The following RNF180 variants were observed in gnomAD, a reference collection of about 807,000 sequenced individuals.
RNF180 encodes E3 ubiquitin-protein ligase RNF180.
A neutral mutation model predicts 59.2 loss-of-function variants in RNF180; 38 were observed. The ratio of observed to expected loss-of-function variants is 0.64; its 90% CI spans 0.50 to 0.84. The LOEUF (loss-of-function observed/expected upper bound fraction) is 0.84. RNF180 is among the 40% of genes least tolerant of loss of function. The pLI is 0.00. For missense variants in RNF180, 705 were observed against 700.9 expected (o/e 1.01, Z -0.07); for synonymous variants, 262 against 240.3 (o/e 1.09, Z -0.84).
intron 5 of RNF180, among the ~76,000 whole-genome samples, chr5:64,254,516 A>C (rs139501613): frequency 1.3e-5 from 2 of 152,308 alleles, no homozygotes; most frequent in East Asian, 3.9e-4. Context: ...ATGTTTAAAA[A>C]TTTAGGAGAT....
intron 5 of RNF180, among the ~76,000 whole-genome samples, chr5:64,236,386 A>G (rs1742442100): frequency 6.6e-6 from 1 of 152,230 alleles, no homozygotes; most frequent in African/African-American, 2.4e-5. Flanking sequence ...GCAGCAAAGC[A>G]TTCAAGAGGT....
intron 5 of RNF180, among the ~76,000 whole-genome samples, chr5:64,218,954 CTAT>C (rs1561197898): frequency 6.6e-6 from 1 of 152,000 alleles, no homozygotes; most frequent in East Asian, 1.9e-4. Flanking sequence ...AGATTTATTC[CTAT>C]TATTTTTAAT....
chr5:64,340,877 T>C (rs1160200874), intron 7 of RNF180, among the ~76,000 whole-genome samples: 12 of 152,070 alleles, frequency 7.9e-5, no homozygotes, highest in Non-Finnish European at 4.4e-5. Context: ...TCATAACTTA[T>C]TTTAAAAATT....
intron 1 of RNF180, among the ~76,000 whole-genome samples, chr5:64,166,529 A>G (rs892826884): frequency 2.0e-5 from 3 of 152,146 alleles, no homozygotes; most frequent in Non-Finnish European, 4.4e-5. Flanking sequence ...TCTGAAATCC[A>G]TCGGGCGGAG....
At chr5:64,366,072 C>T (rs1166378738) in intron 7 of RNF180, among the ~76,000 whole-genome samples, 2 of 151,502 alleles carry the variant, frequency 1.3e-5, no homozygotes, top group South Asian at 2.1e-4. Flanking sequence ...TGTCACTGGT[C>T]TGTGAACTTA....
chr5:64,344,374 C>T lies in RNF180; in HGVS notation c.1579+13968C>T, dbSNP rs191591895. Among the ~76,000 whole-genome samples, 488 of 152,110 alleles carry T rather than the reference C, an allele frequency of 3.2e-3. 1 individual carries two copies. The highest frequency in any genetic ancestry group is 0.012 in the African/African-American group (479 of 41,506). ...GAACATTTCATGGCAATAAAAGAGG[C>T]AATTCCATAGGAAAACATAAAACCA... is the stretch of plus-strand genomic sequence containing the variant. On this transcript the variant is annotated intron_variant, in intron 7 of 7. Transcript: ENST00000389100.
intron 5 of RNF180, among the ~76,000 whole-genome samples, chr5:64,301,503 A>AT (rs550941264): frequency 9.9e-5 from 15 of 151,676 alleles, no homozygotes; most frequent in Non-Finnish European, 1.9e-4. Flanking sequence ...ACTGTGTTTT[A>AT]TTTTTTGTTG....
chr5:64,296,184 G>A (rs1034659809), intron 5 of RNF180, among the ~76,000 whole-genome samples: 10 of 152,090 alleles, frequency 6.6e-5, no homozygotes, highest in South Asian at 4.1e-4. Flanking sequence ...TTAGGTCCAC[G>A]GAAATTTCTA....
At chr5:64,197,625 T>A (rs1355731422) in intron 1 of RNF180, among the ~76,000 whole-genome samples, 1 of 152,168 alleles carries the variant, frequency 6.6e-6, no homozygotes, top group Non-Finnish European at 1.5e-5. Flanking sequence ...TACATCTTTT[T>A]AAAAATATTC....
rs1051385402 is a variant in RNF180, at chr5:64,349,899, T to C, written c.1579+19493T>C. Among the ~76,000 whole-genome samples the C allele has an allele frequency of 5.9e-5, 9 of 152,278 alleles. No individual in the cohort carries two copies. In the East Asian group the frequency reaches 1.2e-3, roughly 20 times the overall value. On this transcript the variant is annotated intron_variant, in intron 7 of 7. Coordinates refer to ENST00000389100, the MANE Select transcript of RNF180 (RefSeq NM_001113561.2). ...TGTGAATAGTGTTGCAATAAACATA[T>C]GTGTGTATGTGTCTTTATAGCAGCA...
chr5:64,192,651 G>A (rs555166343), intron 1 of RNF180, among the ~76,000 whole-genome samples: 2 of 152,012 alleles, frequency 1.3e-5, no homozygotes, highest in Non-Finnish European at 2.9e-5. Context: ...CAGCCTGGGC[G>A]ACAGAGTGAG....
chr5:64,218,883 A>G (rs1030564780), intron 5 of RNF180, among the ~76,000 whole-genome samples: 1 of 152,148 alleles, frequency 6.6e-6, no homozygotes, highest in African/African-American at 2.4e-5. Flanking sequence ...TAAAAACACT[A>G]TTTTTGTTTT....
chr5:64,306,063 A>G (rs1284664856), intron 5 of RNF180, among the ~76,000 whole-genome samples: 2 of 151,732 alleles, frequency 1.3e-5, no homozygotes, highest in Non-Finnish European at 3.0e-5. Context: ...CTAATTAGCT[A>G]TAGAAAAATC....
intron 7 of RNF180, among the ~76,000 whole-genome samples, chr5:64,347,172 T>G (rs896388078): frequency 1.1e-4 from 16 of 152,158 alleles, no homozygotes; most frequent in African/African-American, 3.9e-4. Flanking sequence ...CAAACTGGAG[T>G]TTAGCCAATA....
intron 7 of RNF180, among the ~76,000 whole-genome samples, chr5:64,349,331 T>A (rs1406922739): frequency 6.6e-6 from 1 of 152,106 alleles, no homozygotes; most frequent in African/African-American, 2.4e-5. Context: ...TTTTTTTGTA[T>A]TTTATTGATA....
intron 5 of RNF180, among the ~76,000 whole-genome samples, chr5:64,241,327 A>G (rs148751654): frequency 1.3e-5 from 2 of 152,356 alleles, no homozygotes; most frequent in East Asian, 3.9e-4. Context: ...TCAGTGAGAA[A>G]TAAGCAGACA....
In RNF180 at chr5:64,200,950, T is replaced by C; in HGVS notation, c.135+8T>C. On this transcript the variant is annotated splice_region_variant and intron_variant, in intron 2 of 7. Coordinates refer to ENST00000389100, the MANE Select transcript of RNF180 (RefSeq NM_001113561.2). ...GAGAATCAAGTGATTAAGGTGAGTA[T>C]TGGTAACTCCAGTCTTCAGTTTCCT... 1.2e-6 allele frequency: 2 copies of C among 1,612,188 alleles called. No individual in the cohort carries two copies. Among genetic ancestry groups the C allele is most frequent in the Non-Finnish European group, 1.7e-6 (2 of 1,178,602 alleles).
At chr5:64,261,632 C>T (rs1379393566) in intron 5 of RNF180, among the ~76,000 whole-genome samples, 1 of 152,072 alleles carries the variant, frequency 6.6e-6, no homozygotes, top group African/African-American at 2.4e-5. Flanking sequence ...CTCTCCCTAC[C>T]TTCGTTGTGT....
chr5:64,284,056 A>G (rs1045019418), intron 5 of RNF180, among the ~76,000 whole-genome samples: 1 of 152,144 alleles, frequency 6.6e-6, no homozygotes, highest in East Asian at 1.9e-4. Context: ...TCTGGTGGTA[A>G]CAAAATCTCT....
Sources: allele counts gnomAD v4.1 joint callset (sites outside exome capture counted in the v4.1 genomes callset), GRCh38; gene constraint gnomAD v4.1.1; transcripts MANE v1.5; gene names NCBI Gene and HGNC (gene_info 2026-07-23, HGNC 2026-07-21).